The following MICAL3 variants were observed in gnomAD, a reference collection of about 807,000 sequenced individuals.
The protein encoded by MICAL3 is microtubule associated monooxygenase, calponin and LIM domain containing 3, also known as [F-actin]-monooxygenase MICAL3.
In MICAL3, 62 loss-of-function variants were observed where a neutral mutation model predicts 207.4. The observed-to-expected ratio is 0.30, with a 90% CI of 0.24 to 0.37. MICAL3 has a LOEUF of 0.37. MICAL3 is among the 10% of genes least tolerant of loss of function. MICAL3 has a pLI of 1.00. For synonymous variants in MICAL3, 1,077 were observed against 1,069.3 expected (o/e 1.01, Z -0.14); for missense variants, 2,368 against 2,635.6 (o/e 0.90, Z 2.22).
intron 19 of MICAL3, among the ~76,000 whole-genome samples, chr22:17,858,216 A>G (rs980492686): frequency 1.3e-5 from 2 of 151,908 alleles, no homozygotes; most frequent in Non-Finnish European, 2.9e-5. Flanking sequence ...ACAAGGAGCA[A>G]TTATAAAGAA....
intron 1 of MICAL3, among the ~76,000 whole-genome samples, chr22:17,954,971 A>AC (rs1934544159): frequency 1.3e-5 from 2 of 151,664 alleles, no homozygotes; most frequent in Admixed American, 6.6e-5. Flanking sequence ...TGATCCTCCC[A>AC]CCTCGGCCTC....
At chr22:17,856,666 C>T (rs1352267314) in intron 19 of MICAL3, among the ~76,000 whole-genome samples, 4 of 138,934 alleles carry the variant, frequency 2.9e-5, no homozygotes, top group African/African-American at 1.1e-4. Context: ...CCAGGCCGGA[C>T]TGCGGACTGC....
At chr22:17,908,289 G>C (rs555115936) in intron 1 of MICAL3, among the ~76,000 whole-genome samples, 2 of 152,174 alleles carry the variant, frequency 1.3e-5, no homozygotes, top group Admixed American at 6.5e-5. Flanking sequence ...AAGGAGGTTA[G>C]ACAGCGCCCC....
In MICAL3 at chr22:17,817,520, G is replaced by T; in HGVS notation, c.5141C>A (p.Ser1714Tyr). 1 of 1,613,636 alleles carries T rather than the reference G, an allele frequency of 6.2e-7. No individual in the cohort carries two copies. The highest frequency in any genetic ancestry group is 8.5e-7 in the Non-Finnish European group (1 of 1,179,834). Residue 1714 changes from serine to tyrosine, a missense_variant, in exon 26 of 32, where the codon TCC becomes TAC. Physicochemically the swap from Ser to Tyr is moderately radical, Grantham distance 144 (BLOSUM62 -2). Around this residue, in one of 4 missense-constraint regions of MICAL3, gnomAD observed 1,770 missense variants for 1,863.2 expected, o/e 0.95. Transcript: ENST00000441493. The part of the protein sequence containing the change: ...SPRRNKKEKK[S>Y]KGEGRPPEKP... ...CTCCGGGGGCCGGCCCTCGCCTTTG[G>T]ACTTCTTCTCCTTCTTGTTTCTGCG... is the stretch of plus-strand genomic sequence containing the variant.
At chr22:17,960,803 G>A (rs1332662546) in intron 1 of MICAL3, among the ~76,000 whole-genome samples, 3 of 152,160 alleles carry the variant, frequency 2.0e-5, no homozygotes, top group African/African-American at 7.2e-5. Context: ...GCTGTGCCAG[G>A]GAGATTCTGA....
In MICAL3 at chr22:17,788,188, A is replaced by G. The variant is rs1345220581; in HGVS notation, c.*2544T>C. The G allele has an allele frequency of 6.6e-6, 1 of 152,270 alleles. No individual in the cohort carries two copies. The highest frequency in any genetic ancestry group is 2.4e-5 in the African/African-American group (1 of 41,474). 9.4% of individuals were successfully genotyped at this position (152,270 alleles called of 1,614,324 possible). ...TAGTGGTTACAAAATGGGAGCTTTA[A>G]AAAAAGTGCTCTACTAGAACTGGGT... is the stretch of plus-strand genomic sequence containing the variant. On this transcript the variant is annotated 3_prime_UTR_variant, in exon 32 of 32. Transcript: ENST00000441493.
In MICAL3 at chr22:17,818,896, G is replaced by A; in HGVS notation, c.3765C>T (p.Pro1255=). The change falls in exon 26 of 32, where the codon CCC becomes CCT. Residue 1255 remains proline (P), a synonymous_variant. Coordinates refer to ENST00000441493, the MANE Select transcript of MICAL3 (RefSeq NM_015241.3). The part of the protein sequence containing the change: ...QPPVAASTPP[P]SPLPICSQPQ... ...GCTGGGAGCAGATGGGGAGTGGGCT[G>A]GGTGGGGGCGTGGAGGCCGCCACGG... The A allele has an allele frequency of 3.8e-6, 6 of 1,560,168 alleles. No homozygotes were observed. The highest frequency in any genetic ancestry group is 5.2e-6 in the Non-Finnish European group (6 of 1,151,828).
At position 17,818,458 on chromosome 22, in the gene MICAL3, C is replaced by A; in HGVS notation, c.4203G>T (p.Leu1401=). 1 of 1,613,052 alleles carries A rather than the reference C, an allele frequency of 6.2e-7. No homozygotes were observed. The highest frequency in any genetic ancestry group is 8.5e-7 in the Non-Finnish European group (1 of 1,179,896). ...TGTCGGACGGGGACCGGGGGGTTGGCAGGGACAACGGCTCGCCTTCCGGCT... is the reference window on the plus strand; with the variant it reads ...TGTCGGACGGGGACCGGGGGGTTGGAAGGGACAACGGCTCGCCTTCCGGCT... The part of the protein sequence containing the change: ...LPKPEGEPLS[L]PTPRSPSDRE... Residue 1401 remains leucine (L), a synonymous_variant, in exon 26 of 32, where the codon CTG becomes CTT. Transcript: ENST00000441493.
intron 1 of MICAL3, among the ~76,000 whole-genome samples, chr22:18,022,140 G>A (rs1021408908): frequency 3.9e-5 from 6 of 152,080 alleles, no homozygotes; most frequent in African/African-American, 1.4e-4. Context: ...GCCTCCACCT[G>A]CCTTGGTGTT....
intron 1 of MICAL3, among the ~76,000 whole-genome samples, chr22:17,967,486 A>ACACACACACACCCC (rs147100307): frequency 1.6e-4 from 24 of 145,708 alleles, no homozygotes; most frequent in African/African-American, 5.8e-4. Context: ...ACACACACAC[A>ACACACACACACCCC]CACACACCCA....
At chr22:17,875,654 T>C (rs531590421) in intron 16 of MICAL3, 539 of 470,124 alleles carry the variant, frequency 1.1e-3, no homozygotes, top group Admixed American at 2.0e-3. Flanking sequence ...CCTTTTACTC[T>C]AGACCTTTAT....
intron 1 of MICAL3, among the ~76,000 whole-genome samples, chr22:18,007,922 C>CAAAAA (rs60544257): frequency 2.6e-5 from 1 of 37,752 alleles, no homozygotes; most frequent in African/African-American, 8.1e-5. Context: ...GACTCCATCT[C>CAAAAA]AAAAAAAAAA....
At chr22:17,800,408 C>T (rs1569069420) in intron 29 of MICAL3, among the ~76,000 whole-genome samples, 1 of 152,132 alleles carries the variant, frequency 6.6e-6, no homozygotes, top group African/African-American at 2.4e-5. Context: ...AGGGGAGTGG[C>T]CACCTGGGGA....
rs1922862821 is a variant in MICAL3 at position 17,832,036 on chromosome 22, A to G, written c.2873T>C (p.Leu958Pro). 1.9e-6 allele frequency: 3 copies of G among 1,605,254 alleles called. No individual in the cohort carries two copies. The highest frequency in any genetic ancestry group is 2.6e-6 in the Non-Finnish European group (3 of 1,176,338). ...EEEPRLPPSD[L>P]GGVPWKEAVR... Reference sequence around the variant, plus strand: ...GGCCTCCTTCCACGGAACACCACCCAGGTCAGATGGGGGCAGGCGAGGCTC... The same window carrying G: ...GGCCTCCTTCCACGGAACACCACCCGGGTCAGATGGGGGCAGGCGAGGCTC... The change falls in exon 21 of 32, where the codon CTG (leucine) becomes CCG (proline). Residue 958 changes from leucine (L) to proline (P), a missense_variant. Physicochemically the swap from Leu to Pro is moderately conservative, Grantham distance 98 (BLOSUM62 -3). This residue lies in a region of MICAL3 where 1,770 missense variants were observed against 1,863.2 expected (regional missense o/e 0.95). Coordinates refer to ENST00000441493, the MANE Select transcript of MICAL3 (RefSeq NM_015241.3).
rs910033251 is a variant in MICAL3, at chr22:17,886,178, C to T, written c.2068-127G>A. ...GGACTGGCTCAGCTCTCAAGGTTCC[C>T]GTGTCCACACAGAGACAGCAAGCCT... is the stretch of plus-strand genomic sequence containing the variant. On this transcript the variant is annotated intron_variant, in intron 15 of 31. Transcript: ENST00000441493. The T allele has an allele frequency of 1.0e-5, 10 of 957,690 alleles. No homozygotes were observed. In the East Asian group the frequency reaches 1.2e-4, roughly 11 times the overall value. The allele number at this position is 957,690 out of a possible 1,614,324, so 59.3% of individuals were successfully genotyped here. A position where few individuals can be genotyped will look rare whatever the true frequency, so the allele number is the denominator to read the frequency against.
intron 11 of MICAL3, among the ~76,000 whole-genome samples, chr22:17,892,203 C>G (rs1465223253): frequency 2.0e-5 from 3 of 152,188 alleles, no homozygotes; most frequent in African/African-American, 7.2e-5. Flanking sequence ...CAGACAGTCC[C>G]CGAACAGAGC....
At chr22:17,997,626 G>C (rs1383730793) in intron 1 of MICAL3, among the ~76,000 whole-genome samples, 2 of 152,156 alleles carry the variant, frequency 1.3e-5, no homozygotes, top group African/African-American at 2.4e-5. Context: ...TAGCACACGG[G>C]TTAGGAGGAG....
intron 28 of MICAL3, among the ~76,000 whole-genome samples, chr22:17,809,998 C>T (rs575946269): frequency 1.8e-3 from 271 of 151,256 alleles, no homozygotes; most frequent in Admixed American, 3.0e-3. Flanking sequence ...AAGCGATTCT[C>T]GTGCCTCAGC....
In MICAL3 at chr22:18,020,744, T is replaced by A. The variant is rs184800457; in HGVS notation, c.-75+3537A>T. Among the ~76,000 whole-genome samples, 415 of 150,846 alleles carry A rather than the reference T, an allele frequency of 2.8e-3. 3 individuals are homozygous for A. Among genetic ancestry groups the A allele is most frequent in the African/African-American group, 9.6e-3 (392 of 41,042 alleles). ...CAGCCTGGCCAACATGGTAACCCCA[T>A]CTCTATTAAAAATACAAAAATTAGC... On this transcript the variant is annotated intron_variant, in intron 1 of 31. Transcript: ENST00000441493.
Sources: allele counts gnomAD v4.1 joint callset (sites outside exome capture counted in the v4.1 genomes callset), GRCh38; gene constraint gnomAD v4.1.1; regional missense constraint gnomAD v4.1.1; transcripts MANE v1.5; gene names NCBI Gene and HGNC (gene_info 2026-07-23, HGNC 2026-07-21).